CHST4: variants seen among roughly 807,000 people sequenced by gnomAD.
The protein encoded by CHST4 is GST-3.
For missense variants in CHST4, 466 were observed against 506.0 expected (o/e 0.92, Z 0.76); for synonymous variants, 171 against 195.5 (o/e 0.87, Z 1.05).
intron 1 of CHST4, among the ~76,000 whole-genome samples, chr16:71,532,372 G>A (rs370109865): frequency 2.6e-5 from 4 of 151,978 alleles, no homozygotes; most frequent in East Asian, 3.9e-4. Flanking sequence ...TAATCTGCAG[G>A]GCTAAGACTA....
chr16:71,527,665 G>T (rs2043918515), intron 1 of CHST4, among the ~76,000 whole-genome samples: 1 of 152,092 alleles, frequency 6.6e-6, no homozygotes, highest in Admixed American at 6.6e-5. Flanking sequence ...CAGGAGAATC[G>T]CTTGAAACCG....
intron 1 of CHST4, among the ~76,000 whole-genome samples, chr16:71,532,931 G>T (rs2043958914): frequency 6.6e-6 from 1 of 152,152 alleles, no homozygotes; most frequent in Admixed American, 6.5e-5. Flanking sequence ...AAGCAACAAT[G>T]AATGAGGAAC....
intron 1 of CHST4, among the ~76,000 whole-genome samples, chr16:71,528,984 C>G (rs1397438034): frequency 6.6e-6 from 1 of 152,034 alleles, no homozygotes; most frequent in Non-Finnish European, 1.5e-5. Flanking sequence ...AAATGGCTGT[C>G]CTTTGTGTTT....
intron 1 of CHST4, among the ~76,000 whole-genome samples, chr16:71,530,918 TA>T (rs940403262): frequency 6.6e-6 from 1 of 151,946 alleles, no homozygotes; most frequent in Admixed American, 6.6e-5. Flanking sequence ...CTGTCTCTAC[TA>T]AAAACACAAA....
At position 71,537,919 on chromosome 16, in the gene CHST4, C is replaced by T; in HGVS notation, c.*81C>T. ...ATGCTTCTGAGCCTTGCCTACATCT[C>T]TGAGCCTTAACTACATGTCTGTGGG... On this transcript the variant is annotated 3_prime_UTR_variant, in exon 2 of 2. Coordinates refer to ENST00000539698, the MANE Select transcript of CHST4 (RefSeq NM_001166395.2). This position sits in a 1 kb window ranked among gnomAD's most constrained non-coding sequence, Gnocchi z 4.2. 1 of 1,311,472 alleles carries T rather than the reference C, an allele frequency of 7.6e-7. No homozygotes were observed. Among genetic ancestry groups the T allele is most frequent in the Non-Finnish European group, 1.1e-6 (1 of 943,424 alleles). The allele number at this position is 1,311,472 out of a possible 1,614,324, so 81.2% of individuals were successfully genotyped here.
rs1475128212 is a variant in CHST4 at position 71,537,397 on chromosome 16, C to T, written c.720C>T (p.Asp240=). 6.2e-7 allele frequency: 1 copy of T among 1,614,118 alleles called. No individual in the cohort carries two copies. Among genetic ancestry groups the T allele is most frequent in the South Asian group, 1.1e-5 (1 of 91,078 alleles). Residue 240 remains aspartate, a synonymous_variant, in exon 2 of 2, where the codon GAC becomes GAT. Coordinates refer to ENST00000539698, the MANE Select transcript of CHST4 (RefSeq NM_001166395.2). The surrounding 1 kb of genome is among the most constrained non-coding windows in gnomAD (Gnocchi z 4.2). The stretch of plus-strand genomic sequence containing the variant: ...ATGAGCAAAAACTCAAGAAGGAGGA[C>T]CAACCCTACTATGTGATGCAGGTCA... ...GQHEQKLKKE[D]QPYYVMQVIC...
At chr16:71,532,291 C>G (rs1173366288) in intron 1 of CHST4, among the ~76,000 whole-genome samples, 1 of 152,088 alleles carries the variant, frequency 6.6e-6, no homozygotes, top group Non-Finnish European at 1.5e-5. Flanking sequence ...TCGTGATCCA[C>G]CCACCTTGGC....
chr16:71,531,284 G>A (rs1387754433), intron 1 of CHST4, among the ~76,000 whole-genome samples: 9 of 152,052 alleles, frequency 5.9e-5, no homozygotes, highest in Non-Finnish European at 1.2e-4. Flanking sequence ...TTCTGCCAGG[G>A]CCCAGGAGCA....
intron 1 of CHST4, among the ~76,000 whole-genome samples, chr16:71,536,015 G>A (rs1049285638): frequency 1.3e-5 from 2 of 152,162 alleles, no homozygotes; most frequent in Non-Finnish European, 2.9e-5. Flanking sequence ...CAGGCACCAT[G>A]AGCACCTGGC....
chr16:71,531,331 G>C (rs2043947013), intron 1 of CHST4, among the ~76,000 whole-genome samples: 1 of 152,150 alleles, frequency 6.6e-6, no homozygotes, highest in Non-Finnish European at 1.5e-5. Context: ...TCAGAAATGA[G>C]TTTTGCCCAA....
chr16:71,534,118 T>C (rs2043969328), intron 1 of CHST4, among the ~76,000 whole-genome samples: 1 of 151,976 alleles, frequency 6.6e-6, no homozygotes, highest in South Asian at 2.1e-4. Flanking sequence ...GGCTGCAGGC[T>C]GGCAGGCACT....
At chr16:71,530,046 G>A (rs972065925) in intron 1 of CHST4, among the ~76,000 whole-genome samples, 3 of 152,132 alleles carry the variant, frequency 2.0e-5, no homozygotes, top group South Asian at 2.1e-4. Context: ...GCTGAGGCAG[G>A]AGAATCGCTT....
At position 71,533,035 on chromosome 16, in the gene CHST4, A is replaced by AT. The variant is rs199535179; in HGVS notation, c.-18-3616dup. ...ACAGATAACTTGAAATTTTTTTTTGATTTTTTTTTGCATTTTAAAGAGGAA... is the reference window on the plus strand; with the variant it reads ...ACAGATAACTTGAAATTTTTTTTTGATTTTTTTTTTGCATTTTAAAGAGGAA... On this transcript the variant is annotated intron_variant, in intron 1 of 1. Transcript: ENST00000539698. Among the ~76,000 whole-genome samples the AT allele has an allele frequency of 8.1e-3, 1,227 of 151,082 alleles. 18 individuals carry two copies. The highest frequency in any genetic ancestry group is 0.028 in the South Asian group (135 of 4,774).
rs1401035986 is a variant in CHST4, at chr16:71,537,415, G to A, written c.738G>A (p.Met246Ile). The A allele has an allele frequency of 1.2e-6, 2 of 1,614,176 alleles. No homozygotes were observed. The highest frequency in any genetic ancestry group is 1.7e-6 in the Non-Finnish European group (2 of 1,180,034). Residue 246 changes from methionine (M) to isoleucine (I), a missense_variant, in exon 2 of 2, where the codon ATG becomes ATA. By Grantham distance (10) the Met-to-Ile change is conservative. Transcript: ENST00000539698. The surrounding 1 kb of genome is among the most constrained non-coding windows in gnomAD (Gnocchi z 4.2). ...AGGAGGACCAACCCTACTATGTGAT[G>A]CAGGTCATCTGCCAAAGCCAGCTGG... The part of the protein sequence containing the change: ...LKKEDQPYYV[M>I]QVICQSQLEI...
Position 71,537,904 on chromosome 16 carries a change from G to A in CHST4, c.*66G>A. ...AGTCACTTTCTCTGAATGCTTCTGA[G>A]CCTTGCCTACATCTCTGAGCCTTAA... is the stretch of plus-strand genomic sequence containing the variant. On this transcript the variant is annotated 3_prime_UTR_variant, in exon 2 of 2. Coordinates refer to ENST00000539698, the MANE Select transcript of CHST4 (RefSeq NM_001166395.2). The surrounding 1 kb of genome is among the most constrained non-coding windows in gnomAD (Gnocchi z 4.2). The A allele has an allele frequency of 6.9e-7, 1 of 1,442,962 alleles. No individual in the cohort carries two copies. Among genetic ancestry groups the A allele is most frequent in the Non-Finnish European group, 9.5e-7 (1 of 1,056,548 alleles). The allele number at this position is 1,442,962 out of a possible 1,614,324, so 89.4% of individuals were successfully genotyped here. A position where few individuals can be genotyped will look rare whatever the true frequency, so the allele number is the denominator to read the frequency against.
At position 71,537,984 on chromosome 16, in the gene CHST4, C is replaced by G; in HGVS notation, c.*146C>G. ...TGAGTTGTGTCCACACGTGCTCAAG[C>G]AGAAGGACTTTTGTGTCCATGCTTG... On this transcript the variant is annotated 3_prime_UTR_variant, in exon 2 of 2. Transcript: ENST00000539698. This position sits in a 1 kb window ranked among gnomAD's most constrained non-coding sequence, Gnocchi z 4.2. 1 of 722,436 alleles carries G rather than the reference C, an allele frequency of 1.4e-6. No individual in the cohort carries two copies. The highest frequency in any genetic ancestry group is 2.3e-6 in the Non-Finnish European group (1 of 434,952). 44.8% of individuals were successfully genotyped at this position (722,436 alleles called of 1,614,324 possible).
chr16:71,537,109 T>G lies in CHST4; in HGVS notation c.432T>G (p.Asp144Glu), dbSNP rs774167145. The G allele has an allele frequency of 4.3e-6, 7 of 1,613,948 alleles. No individual in the cohort carries two copies. The highest frequency in any genetic ancestry group is 1.1e-5 in the South Asian group (1 of 91,068). ...SAPACDIIPQDEIIPRAHCRL... is the reference protein window; with the variant it reads ...SAPACDIIPQEEIIPRAHCRL... ...CTGCCTGTGACATCATCCCACAAGATGAAATCATCCCCCGGGCTCACTGCA... is the reference window on the plus strand; with the variant it reads ...CTGCCTGTGACATCATCCCACAAGAGGAAATCATCCCCCGGGCTCACTGCA... Residue 144 changes from aspartate to glutamate, a missense_variant, in exon 2 of 2, where the codon GAT becomes GAG. Coordinates refer to ENST00000539698, the MANE Select transcript of CHST4 (RefSeq NM_001166395.2). The surrounding 1 kb of genome is among the most constrained non-coding windows in gnomAD (Gnocchi z 4.2).
At chr16:71,532,211 C>T (rs532440253) in intron 1 of CHST4, among the ~76,000 whole-genome samples, 175 of 152,178 alleles carry the variant, frequency 1.1e-3, no homozygotes, top group Non-Finnish European at 2.0e-3. Flanking sequence ...CCACGCCTGG[C>T]TAATTTTTTG....
chr16:71,529,830 A>C (rs1220308889), intron 1 of CHST4, among the ~76,000 whole-genome samples: 1 of 152,162 alleles, frequency 6.6e-6, no homozygotes, highest in Admixed American at 6.5e-5. Context: ...ATGGCTGCTA[A>C]CAGAAGGTCT....
Sources: gnomAD v4.1 joint callset for allele counts (sites outside exome capture counted in the v4.1 genomes callset) on GRCh38, gnomAD v4.1.1 for gene constraint, Gnocchi (gnomAD v3.1) non-coding constraint, MANE v1.5 for transcripts, NCBI Gene and HGNC (gene_info 2026-07-23, HGNC 2026-07-21) for gene names.